MBD5: variants seen among roughly 807,000 people sequenced by gnomAD.
MBD5 encodes methyl-CpG-binding domain protein 5.
MBD5 carries 13 observed loss-of-function variants against 117.3 expected under a neutral mutation model. That is an observed-to-expected ratio of 0.11 (90% CI 0.07 to 0.18). MBD5 has a LOEUF of 0.18. Among genes scored for constraint, MBD5 ranks in the 10% least tolerant of loss-of-function variants. The pLI, the probability that MBD5 is intolerant of heterozygous loss-of-function variation, is 1.00. For missense variants in MBD5, 1,879 were observed against 2,093.8 expected (o/e 0.90, Z 2.00); for synonymous variants, 727 against 766.4 (o/e 0.95, Z 0.85).
At chr2:148,086,386 T>A (rs1431775929) in intron 1 of MBD5, among the ~76,000 whole-genome samples, 1 of 152,198 alleles carries the variant, frequency 6.6e-6, no homozygotes, top group African/African-American at 2.4e-5. Context: ...GTTTTGTCAT[T>A]CAGAATCTGT....
chr2:148,487,243 G>T (rs1006133567), intron 10 of MBD5, among the ~76,000 whole-genome samples: 2 of 152,164 alleles, frequency 1.3e-5, no homozygotes, highest in Non-Finnish European at 2.9e-5. Flanking sequence ...CAGAAAAGGG[G>T]AACATCTTTA....
At chr2:148,405,408 A>T (rs563676103) in intron 4 of MBD5, among the ~76,000 whole-genome samples, 11 of 152,320 alleles carry the variant, frequency 7.2e-5, no homozygotes, top group African/African-American at 2.6e-4. Flanking sequence ...ATTCCACCCT[A>T]TGCCCCATGA....
chr2:148,075,051 A>G (rs1378043135), intron 1 of MBD5, among the ~76,000 whole-genome samples: 1 of 152,154 alleles, frequency 6.6e-6, no homozygotes, highest in African/African-American at 2.4e-5. Context: ...TAATTATGAA[A>G]TATAGCAGCA....
chr2:148,166,272 G>T (rs1351432467), intron 1 of MBD5, among the ~76,000 whole-genome samples: 2 of 151,980 alleles, frequency 1.3e-5, no homozygotes, highest in Admixed American at 6.6e-5. Flanking sequence ...GCTTATGAGG[G>T]TTTTATTTTC....
At chr2:148,458,178 GT>G in intron 4 of MBD5, 24 bp from the exon 5 acceptor site, 1 of 399,248 alleles carries the variant, frequency 2.5e-6, no homozygotes, top group Non-Finnish European at 4.4e-6. Context: ...AAATATACAA[GT>G]TCACATATTT....
intron 2 of MBD5, among the ~76,000 whole-genome samples, chr2:148,219,479 T>C (rs1293341852): frequency 6.6e-6 from 1 of 152,190 alleles, no homozygotes; most frequent in East Asian, 1.9e-4. Context: ...TTCATTATAA[T>C]CTTATGGGAT....
rs559409211 is a variant in MBD5 at position 148,052,140 on chromosome 2, T to G, written c.-925+30456T>G. Among the ~76,000 whole-genome samples, 5 of 152,006 alleles carry G rather than the reference T, an allele frequency of 3.3e-5. No individual in the cohort carries two copies. The South Asian group carries it at 8.3e-4, about 25-fold the overall frequency. On this transcript the variant is annotated intron_variant, in intron 1 of 13. Transcript: ENST00000642680. Reference sequence around the variant, plus strand: ...TTTGTGGGTTTATTTTTCTCTTTTGTTCTAGCCTCAGTTTTGTTATCTCTG... The same window carrying G: ...TTTGTGGGTTTATTTTTCTCTTTTGGTCTAGCCTCAGTTTTGTTATCTCTG...
intron 3 of MBD5, among the ~76,000 whole-genome samples, chr2:148,299,876 C>T (rs1559011976): frequency 6.6e-6 from 1 of 152,178 alleles, no homozygotes; most frequent in Non-Finnish European, 1.5e-5. Flanking sequence ...TCTGATCTCC[C>T]TGAGCTCCAT....
chr2:148,075,473 AT>A (rs1362418528), intron 1 of MBD5, among the ~76,000 whole-genome samples: 3 of 152,182 alleles, frequency 2.0e-5, no homozygotes, highest in African/African-American at 7.2e-5. Context: ...AACTTTTTTC[AT>A]CCGTAAATAT....
chr2:148,149,722 G>A (rs1035199234), intron 1 of MBD5, among the ~76,000 whole-genome samples: 1 of 152,146 alleles, frequency 6.6e-6, no homozygotes, highest in Admixed American at 6.5e-5. Context: ...ATGTTATTTG[G>A]CTGCATAAAT....
intron 4 of MBD5, among the ~76,000 whole-genome samples, chr2:148,398,491 A>G (rs551437568): frequency 5.7e-4 from 86 of 152,012 alleles, no homozygotes; most frequent in Non-Finnish European, 9.1e-4. Context: ...CCACTTTTTG[A>G]TGGGGTTGTT....
intron 4 of MBD5, among the ~76,000 whole-genome samples, chr2:148,374,625 C>A (rs1703946509): frequency 6.6e-6 from 1 of 152,144 alleles, no homozygotes; most frequent in Admixed American, 6.6e-5. Flanking sequence ...GTAGGTGGGC[C>A]TGAAGGTGAC....
chr2:148,327,434 C>G (rs1442091889), intron 3 of MBD5, among the ~76,000 whole-genome samples: 1 of 151,204 alleles, frequency 6.6e-6, no homozygotes, highest in Non-Finnish European at 1.5e-5. Flanking sequence ...TAGAGTGTTT[C>G]CTGCAGAGGG....
chr2:148,112,235 T>A (rs1574026789), intron 1 of MBD5, among the ~76,000 whole-genome samples: 2 of 152,342 alleles, frequency 1.3e-5, no homozygotes, highest in East Asian at 3.9e-4. Flanking sequence ...TATAAGAAAT[T>A]ATGTGAATAT....
At chr2:148,142,942 T>C (rs1697353720) in intron 1 of MBD5, among the ~76,000 whole-genome samples, 1 of 152,220 alleles carries the variant, frequency 6.6e-6, no homozygotes, top group Non-Finnish European at 1.5e-5. Flanking sequence ...TTTGGGCCTA[T>C]AATATTTATA....
At chr2:148,305,800 A>G (rs997559000) in intron 3 of MBD5, among the ~76,000 whole-genome samples, 1 of 152,218 alleles carries the variant, frequency 6.6e-6, no homozygotes, top group Admixed American at 6.5e-5. Flanking sequence ...TTGTAGCCAG[A>G]TATCAAAGGA....
At chr2:148,155,407 A>G (rs1192591613) in intron 1 of MBD5, among the ~76,000 whole-genome samples, 2 of 152,182 alleles carry the variant, frequency 1.3e-5, no homozygotes, top group African/African-American at 4.8e-5. Flanking sequence ...CAGACAGGTA[A>G]TGGGAAACAT....
At chr2:148,349,383 A>T (rs951659870) in intron 4 of MBD5, among the ~76,000 whole-genome samples, 1 of 152,000 alleles carries the variant, frequency 6.6e-6, no homozygotes, top group African/African-American at 2.4e-5. Flanking sequence ...CCTTCATATC[A>T]TCAGATTGTT....
At chr2:148,409,459 A>G (rs151084038) in intron 4 of MBD5, among the ~76,000 whole-genome samples, 2 of 147,864 alleles carry the variant, frequency 1.4e-5, no homozygotes, top group African/African-American at 4.9e-5. Flanking sequence ...GGGAGGGAAG[A>G]AGGGAGGGAG....
Sources: allele counts gnomAD v4.1 joint callset (sites outside exome capture counted in the v4.1 genomes callset), GRCh38; gene constraint gnomAD v4.1.1; transcripts MANE v1.5; gene names NCBI Gene and HGNC (gene_info 2026-07-23, HGNC 2026-07-21).